SLC4A10: variants seen among roughly 807,000 people sequenced by gnomAD.
SLC4A10 encodes solute carrier family 4 member 10.
In SLC4A10, 42 loss-of-function variants were observed where a neutral mutation model predicts 137.7. The observed-to-expected ratio is 0.30, with a 90% CI of 0.24 to 0.39. The LOEUF is 0.39. Ranked by LOEUF, SLC4A10 falls within the 10% of genes least tolerant of loss-of-function variation. The pLI, the probability that SLC4A10 is intolerant of heterozygous loss-of-function variation, is 1.00. For synonymous variants in SLC4A10, 474 were observed against 464.1 expected, an observed-to-expected ratio of 1.02 and a Z score of -0.27; for missense variants, 925 against 1,355.0, an observed-to-expected ratio of 0.68 and a Z score of 4.98.
intron 1 of SLC4A10, among the ~76,000 whole-genome samples, chr2:161,753,719 T>C (rs1574775466): frequency 6.6e-6 from 1 of 152,188 alleles, no homozygotes; most frequent in East Asian, 1.9e-4. Context: ...TCACTTTCCT[T>C]CTGTAAACTA....
At chr2:161,831,835 G>T (rs2125743037) in intron 3 of SLC4A10, among the ~76,000 whole-genome samples, 1 of 152,124 alleles carries the variant, frequency 6.6e-6, no homozygotes, top group Non-Finnish European at 1.5e-5. Context: ...TTAATTCAAA[G>T]ATTTTTCTTT....
At chr2:161,824,351 A>C (rs2057870173) in intron 3 of SLC4A10, among the ~76,000 whole-genome samples, 1 of 152,252 alleles carries the variant, frequency 6.6e-6, no homozygotes, top group South Asian at 2.1e-4. Context: ...TCATTGCTAC[A>C]GAAAAATCCA....
intron 1 of SLC4A10, among the ~76,000 whole-genome samples, chr2:161,640,833 C>T (rs1238601156): frequency 6.6e-6 from 1 of 151,898 alleles, no homozygotes; most frequent in Non-Finnish European, 1.5e-5. Flanking sequence ...CCCTGGCCTG[C>T]ATTTTCTTTA....
At chr2:161,851,037 A>T (rs984847733) in intron 4 of SLC4A10, among the ~76,000 whole-genome samples, 1 of 152,020 alleles carries the variant, frequency 6.6e-6, no homozygotes, top group African/African-American at 2.4e-5. Context: ...TCTTCTTGAT[A>T]TTGATTTATA....
chr2:161,867,540 G>A (rs72881021), intron 6 of SLC4A10, among the ~76,000 whole-genome samples: 2 of 151,910 alleles, frequency 1.3e-5, no homozygotes, highest in African/African-American at 4.8e-5. Flanking sequence ...CAACTGATGG[G>A]CCTGCCCAGA....
At chr2:161,826,548 A>G (rs1407775328) in intron 3 of SLC4A10, among the ~76,000 whole-genome samples, 1 of 152,180 alleles carries the variant, frequency 6.6e-6, no homozygotes, top group Non-Finnish European at 1.5e-5. Context: ...GCAAAAGGAG[A>G]GTATTTTCAC....
intron 15 of SLC4A10, among the ~76,000 whole-genome samples, chr2:161,922,886 TAATC>T: frequency 6.6e-6 from 1 of 152,154 alleles, no homozygotes; most frequent in Non-Finnish European, 1.5e-5. Flanking sequence ...CTCTGGGAGA[TAATC>T]AAGTCAATAA....
At chr2:161,894,883 T>G in intron 11 of SLC4A10, 58 bp downstream of exon 11, 1 of 1,047,818 alleles carries the variant, frequency 9.5e-7, no homozygotes, top group Non-Finnish European at 1.3e-6. Context: ...TTTAAATGCA[T>G]GTTTTATTTT....
chr2:161,720,138 T>A (rs1376644871), intron 1 of SLC4A10, among the ~76,000 whole-genome samples: 2 of 152,224 alleles, frequency 1.3e-5, no homozygotes, highest in Non-Finnish European at 2.9e-5. Flanking sequence ...CCAGCACCAT[T>A]TATTAAATAG....
At chr2:161,757,494 G>A (rs1046678165) in intron 1 of SLC4A10, among the ~76,000 whole-genome samples, 5 of 152,134 alleles carry the variant, frequency 3.3e-5, no homozygotes, top group East Asian at 1.9e-4. Flanking sequence ...CATTATAACC[G>A]TATTAGCAAC....
chr2:161,717,184 A>C, intron 1 of SLC4A10, among the ~76,000 whole-genome samples: 1 of 152,184 alleles, frequency 6.6e-6, no homozygotes, highest in East Asian at 1.9e-4. Flanking sequence ...TTATCTGCTT[A>C]AGAAGCTTTT....
intron 3 of SLC4A10, among the ~76,000 whole-genome samples, chr2:161,827,351 C>T (rs2058082478): frequency 6.6e-6 from 1 of 152,052 alleles, no homozygotes; most frequent in African/African-American, 2.4e-5. Context: ...TATGATGGTC[C>T]CTTAGTCACC....
intron 3 of SLC4A10, among the ~76,000 whole-genome samples, chr2:161,827,795 G>A (rs2125718467): frequency 6.6e-6 from 1 of 152,246 alleles, no homozygotes; most frequent in East Asian, 1.9e-4. Flanking sequence ...TCGATCTCCT[G>A]ACCTCGTGAT....
intron 1 of SLC4A10, among the ~76,000 whole-genome samples, chr2:161,644,115 A>G (rs1029633056): frequency 4.2e-5 from 6 of 143,472 alleles, no homozygotes; most frequent in Non-Finnish European, 9.1e-5. Context: ...AGATACTTAT[A>G]TGCATATATA....
At chr2:161,882,499 T>G in intron 10 of SLC4A10, 55 bp downstream of exon 10, 1 of 1,119,752 alleles carries the variant, frequency 8.9e-7, no homozygotes, top group Non-Finnish European at 1.3e-6. Context: ...ACCTAAAACT[T>G]TTGGAGGTCC....
At chr2:161,938,947 T>C (rs934989197) in intron 15 of SLC4A10, among the ~76,000 whole-genome samples, 1 of 152,124 alleles carries the variant, frequency 6.6e-6, no homozygotes, top group Non-Finnish European at 1.5e-5. Flanking sequence ...TTTAACAAAA[T>C]TTTTTAAAAT....
intron 8 of SLC4A10, among the ~76,000 whole-genome samples, chr2:161,875,251 T>C (rs72881046): frequency 0.061 from 9,236 of 152,214 alleles, 373 homozygotes; most frequent in East Asian, 0.13. Flanking sequence ...GTTGATATTT[T>C]TTAGCCTTAT....
intron 1 of SLC4A10, among the ~76,000 whole-genome samples, chr2:161,704,330 T>C (rs1043492581): frequency 3.3e-5 from 5 of 151,590 alleles, no homozygotes; most frequent in African/African-American, 4.8e-5. Context: ...ATAAATAATA[T>C]GCAAAGCACA....
chr2:161,886,136 A>G (rs569674480), intron 10 of SLC4A10, among the ~76,000 whole-genome samples: 2 of 152,188 alleles, frequency 1.3e-5, no homozygotes, highest in Non-Finnish European at 2.9e-5. Context: ...AAGCCATTAC[A>G]TATTAACATA....
Sources: allele counts gnomAD v4.1 joint callset (sites outside exome capture counted in the v4.1 genomes callset), GRCh38; gene constraint gnomAD v4.1.1; transcripts MANE v1.5; gene names NCBI Gene and HGNC (gene_info 2026-07-23, HGNC 2026-07-21).